SLC24A5: variants seen among roughly 807,000 people sequenced by gnomAD.
SLC24A5 encodes sodium/potassium/calcium exchanger 5.
SLC24A5 carries 46 observed loss-of-function variants against 51.6 expected under a neutral mutation model. The ratio of observed to expected loss-of-function variants is 0.89; its 90% confidence interval spans 0.70 to 1.14. The LOEUF (loss-of-function observed/expected upper bound fraction) is 1.14. SLC24A5 is among the 50% of genes most tolerant of loss of function. SLC24A5 has a pLI of 0.00. For missense variants in SLC24A5, 581 were observed against 604.1 expected, an observed-to-expected ratio of 0.96 and a Z score of 0.40; for synonymous variants, 230 against 214.9, an observed-to-expected ratio of 1.07 and a Z score of -0.62.
At position 48,139,129 on chromosome 15, in the gene SLC24A5, G is replaced by C; in HGVS notation, c.1032G>C (p.Trp344Cys). ...FVITFFMSAI[W>C]ISAFTYILVW... is the part of the protein sequence containing the mutation. ...TAACCTTTTTCATGTCTGCAATATGGATATCCGCATTTACATATATCCTGG... is the reference window on the plus strand; with the variant it reads ...TAACCTTTTTCATGTCTGCAATATGCATATCCGCATTTACATATATCCTGG... The change falls in exon 7 of 9, where the codon TGG becomes TGC. Residue 344 changes from tryptophan (W) to cysteine (C), a missense_variant. Trp to Cys is a radical substitution (Grantham distance 215, BLOSUM62 -2). Transcript: ENST00000341459. The C allele has an allele frequency of 6.2e-7, 1 of 1,612,898 alleles. No homozygotes were observed. The highest frequency in any genetic ancestry group is 1.1e-5 in the South Asian group (1 of 91,016).
rs1209281457 is a variant in SLC24A5, at chr15:48,141,965, T to G, written c.1181-64T>G. ...AAAGTATCCAGTGTTTCTTTTCTTA[T>G]GAAGATTATTAATAAAACACAGTAT... On this transcript the variant is annotated intron_variant, in intron 8 of 8. Coordinates refer to ENST00000341459, the MANE Select transcript of SLC24A5 (RefSeq NM_205850.3). The G allele has an allele frequency of 1.2e-5, 14 of 1,203,768 alleles. No homozygotes were observed. In the Admixed American group the frequency reaches 1.7e-4, roughly 15 times the overall value. 74.6% of individuals were successfully genotyped at this position (1,203,768 alleles called of 1,614,324 possible). A position where few individuals can be genotyped will look rare whatever the true frequency, so the allele number is the denominator to read the frequency against.
At chr15:48,138,787 G>A in intron 6 of SLC24A5, 182 bp from the exon 7 acceptor site, 1 of 572,674 alleles carries the variant, frequency 1.7e-6, no homozygotes. Flanking sequence ...TACATTGTCT[G>A]CCCTAAAGTT....
intron 7 of SLC24A5, chr15:48,140,633 C>T (rs1177683152): frequency 6.6e-6 from 1 of 152,052 alleles, no homozygotes; most frequent in Non-Finnish European, 1.5e-5. Flanking sequence ...CTGCCAAAGC[C>T]CACTAAATTA....
At chr15:48,132,327 T>C (rs1202595979) in intron 2 of SLC24A5, among the ~76,000 whole-genome samples, 1 of 152,086 alleles carries the variant, frequency 6.6e-6, no homozygotes, top group Non-Finnish European at 1.5e-5. Context: ...CTGACATTTT[T>C]CTCTCTCTCC....
intron 8 of SLC24A5, chr15:48,141,618 C>A: frequency 6.1e-6 from 1 of 162,760 alleles, no homozygotes; most frequent in Non-Finnish European, 1.3e-5. Context: ...AAGTTTACTT[C>A]CTCAGTAACA....
intron 5 of SLC24A5, chr15:48,136,403 T>G (rs2038900397): frequency 3.6e-6 from 1 of 276,224 alleles, no homozygotes; most frequent in East Asian, 6.5e-5. Context: ...CCTTGCATTT[T>G]TATACCTATC....
Position 48,134,245 on chromosome 15 carries a change from C to T in SLC24A5, c.302-13C>T. ...ACTTTATTAGGCATAACAATCATTT[C>T]ATTTATGTTCAGCCCTTGGATTGTC... On this transcript the variant is annotated splice_polypyrimidine_tract_variant and intron_variant, in intron 2 of 8. Transcript: ENST00000341459. 2 of 1,609,976 alleles carry T rather than the reference C, an allele frequency of 1.2e-6. No individual in the cohort carries two copies. Among genetic ancestry groups the T allele is most frequent in the Non-Finnish European group, 8.5e-7 (1 of 1,176,846 alleles).
intron 1 of SLC24A5, 131 bp downstream of exon 1, chr15:48,121,296 T>C: frequency 1.0e-6 from 1 of 971,472 alleles, no homozygotes; most frequent in Admixed American, 3.3e-5. Context: ...AATTTTAGCA[T>C]TTAAAAAGAT....
At chr15:48,135,214 T>C (rs538443243) in intron 5 of SLC24A5, 2 of 354,436 alleles carry the variant, frequency 5.6e-6, no homozygotes, top group East Asian at 4.7e-5. Context: ...CACTAGTCAC[T>C]GGAGACCACC....
chr15:48,140,977 T>TAAGC lies in SLC24A5; in HGVS notation c.1079-130_1079-127dup, dbSNP rs2039059636. The TAAGC allele has an allele frequency of 8.2e-6, 5 of 612,608 alleles. No homozygotes were observed. In the South Asian group the frequency reaches 1.1e-4, roughly 14 times the overall value. The allele number at this position is 612,608 out of a possible 1,614,324, so 37.9% of individuals were successfully genotyped here. A position where few individuals can be genotyped will look rare whatever the true frequency, so the allele number is the denominator to read the frequency against. On this transcript the variant is annotated intron_variant, in intron 7 of 8. Transcript: ENST00000341459. ...AATATGTTGCTAGCTAAAAAACTAA[T>TAAGC]AAGCAAGCACATATTGGCTCTGAAT...
At chr15:48,133,637 T>C (rs2038823909) in intron 2 of SLC24A5, among the ~76,000 whole-genome samples, 1 of 152,164 alleles carries the variant, frequency 6.6e-6, no homozygotes, top group Non-Finnish European at 1.5e-5. Context: ...TTAGACAACG[T>C]TGAAACTGCA....
chr15:48,134,622 G>T, intron 4 of SLC24A5, 84 bp downstream of exon 4: 1 of 1,022,932 alleles, frequency 9.8e-7, no homozygotes. Flanking sequence ...GGACAACAGG[G>T]CACTAATAAT....
chr15:48,130,131 A>G (rs2038774933), intron 2 of SLC24A5, among the ~76,000 whole-genome samples: 1 of 152,174 alleles, frequency 6.6e-6, no homozygotes, highest in Admixed American at 6.5e-5. Flanking sequence ...CTAAACCTAT[A>G]AAGAAAACTC....
Position 48,134,993 on chromosome 15 carries a change from G to A in SLC24A5, c.590+9G>A. On this transcript the variant is annotated intron_variant, in intron 5 of 8. Coordinates refer to ENST00000341459, the MANE Select transcript of SLC24A5 (RefSeq NM_205850.3). ...GACAACCAAGTTTACTGGTAAGCTT[G>A]AAAATAATTCTTATGTAAAAATTAG... 1 of 1,575,224 alleles carries A rather than the reference G, an allele frequency of 6.3e-7. No homozygotes were observed. The highest frequency in any genetic ancestry group is 8.7e-7 in the Non-Finnish European group (1 of 1,152,796).
At chr15:48,135,367 T>C (rs2038870915) in intron 5 of SLC24A5, 1 of 157,724 alleles carries the variant, frequency 6.3e-6, no homozygotes, top group Admixed American at 6.4e-5. Context: ...CACAAAAGAC[T>C]GGAGAAGGAT....
rs554984271 is a variant in SLC24A5 at position 48,129,810 on chromosome 15, A to T, written c.302-4448A>T. On this transcript the variant is annotated intron_variant, in intron 2 of 8. Transcript: ENST00000341459. ...AATTCACATTCTATAACTTTGAGTA[A>T]AGATTGAAAAAAAAAGATAATACCT... 4.6e-5 allele frequency among the ~76,000 whole-genome samples: 7 copies of T among 152,096 alleles called. No individual in the cohort carries two copies. In the South Asian group the frequency reaches 1.5e-3, roughly 32 times the overall value.
intron 6 of SLC24A5, chr15:48,138,105 G>A (rs1015175110): frequency 6.6e-6 from 1 of 151,966 alleles, no homozygotes; most frequent in African/African-American, 2.4e-5. Flanking sequence ...AAACGCAAAA[G>A]AACCAATCCA....
chr15:48,125,196 C>G (rs1051013310), intron 2 of SLC24A5, among the ~76,000 whole-genome samples: 1 of 151,284 alleles, frequency 6.6e-6, no homozygotes, highest in African/African-American at 2.4e-5. Flanking sequence ...CCACAATGTA[C>G]TACAGTGTTA....
Position 48,121,084 on chromosome 15 carries a change from CT to C in SLC24A5, c.41del (p.Leu14ArgfsTer57), listed in dbSNP as rs1487391123. 1 of 1,613,958 alleles carries C rather than the reference CT, an allele frequency of 6.2e-7. No homozygotes were observed. The highest frequency in any genetic ancestry group is 2.2e-5 in the East Asian group (1 of 44,830). ...GGGCCAAACATGGGCGAGAAGGGCT[CT>C]GTTGCTCGGCATCCTGTGGGCCACT... is the stretch of plus-strand genomic sequence containing the variant. ...KGGQTWARRA[L>X]LLGILWATAH... is the part of the protein sequence containing the mutation. On this transcript the variant is annotated frameshift_variant, in exon 1 of 9. Transcript: ENST00000341459. LOFTEE classifies it high-confidence loss of function.
Sources: allele counts gnomAD v4.1 joint callset (sites outside exome capture counted in the v4.1 genomes callset), GRCh38; gene constraint gnomAD v4.1.1; transcripts MANE v1.5; gene names NCBI Gene and HGNC (gene_info 2026-07-23, HGNC 2026-07-21).